The following PLCB1 variants were observed in gnomAD, a reference collection of about 807,000 sequenced individuals.
The protein encoded by PLCB1 is phospholipase C beta 1.
A neutral mutation model predicts 161.8 loss-of-function variants in PLCB1; 46 were observed. The observed-to-expected ratio is 0.28, with a 90% CI of 0.22 to 0.36. PLCB1 has a LOEUF of 0.36. Ranked by LOEUF, PLCB1 falls within the 10% of genes least tolerant of loss-of-function variation. PLCB1 has a pLI of 1.00. For synonymous variants in PLCB1, 517 were observed against 503.7 expected (o/e 1.03, Z -0.35); for missense variants, 1,016 against 1,472.5 (o/e 0.69, Z 5.07).
chr20:8,393,622 T>G (rs13037141), intron 3 of PLCB1, among the ~76,000 whole-genome samples: 23,420 of 152,156 alleles, frequency 0.15, 2,271 homozygotes, highest in Non-Finnish European at 0.21. Context: ...ACCACTGCAC[T>G]CCGGCCTGGG....
chr20:8,216,550 T>C (rs992574539), intron 2 of PLCB1, among the ~76,000 whole-genome samples: 11 of 152,058 alleles, frequency 7.2e-5, no homozygotes, highest in African/African-American at 2.7e-4. Context: ...AATACGATTC[T>C]AAGTAAAGAT....
chr20:8,299,364 A>AT (rs1983788142), intron 2 of PLCB1, among the ~76,000 whole-genome samples: 12 of 151,942 alleles, frequency 7.9e-5, no homozygotes. Context: ...CATTTTTGTC[A>AT]TTTTGCCTTG....
At chr20:8,684,724 G>C (rs776707552) in intron 9 of PLCB1, among the ~76,000 whole-genome samples, 14 of 152,062 alleles carry the variant, frequency 9.2e-5, no homozygotes, top group Middle Eastern at 3.2e-3. Context: ...ATTTGGTGGG[G>C]CTCATGTAAC....
At chr20:8,798,866 T>C (rs1381227775) in intron 31 of PLCB1, among the ~76,000 whole-genome samples, 3 of 148,758 alleles carry the variant, frequency 2.0e-5, no homozygotes, top group African/African-American at 7.5e-5. Flanking sequence ...AGCATCACAC[T>C]GTTAAGTAAA....
At chr20:8,851,139 A>G (rs748701217) in intron 31 of PLCB1, among the ~76,000 whole-genome samples, 5 of 152,202 alleles carry the variant, frequency 3.3e-5, no homozygotes, top group Admixed American at 6.5e-5. Flanking sequence ...CCATGTTCCA[A>G]TGGACTTGGC....
chr20:8,421,820 A>G (rs977791855), intron 3 of PLCB1, among the ~76,000 whole-genome samples: 1 of 152,182 alleles, frequency 6.6e-6, no homozygotes, highest in African/African-American at 2.4e-5. Flanking sequence ...GTCCAGTCTT[A>G]TATCTATCAA....
At position 8,882,398 on chromosome 20, in the gene PLCB1, T is replaced by A. The variant is rs1419480130; in HGVS notation, c.*549T>A. The A allele has an allele frequency of 6.3e-6, 1 of 159,504 alleles. No homozygotes were observed. The highest frequency in any genetic ancestry group is 1.4e-5 in the Non-Finnish European group (1 of 71,776). The allele number at this position is 159,504 out of a possible 1,614,324, so 9.9% of individuals were successfully genotyped here. ...TTGCAGTTTGCTAATTTATTTATCA[T>A]AGAGTCATCAATGTATTTGTTGCTG... On this transcript the variant is annotated 3_prime_UTR_variant, in exon 32 of 32. Coordinates refer to ENST00000338037, the MANE Select transcript of PLCB1 (RefSeq NM_015192.4).
chr20:8,289,935 G>T (rs1260014100), intron 2 of PLCB1, among the ~76,000 whole-genome samples: 1 of 152,162 alleles, frequency 6.6e-6, no homozygotes, highest in Non-Finnish European at 1.5e-5. Flanking sequence ...ATTTCTCAAA[G>T]ATCATTTGAT....
At chr20:8,833,933 C>T (rs1215724991) in intron 31 of PLCB1, among the ~76,000 whole-genome samples, 1 of 151,828 alleles carries the variant, frequency 6.6e-6, no homozygotes, top group African/African-American at 2.4e-5. Context: ...TTATGCAGAC[C>T]TTTACAACCA....
At chr20:8,653,209 C>T (rs1292027029) in intron 7 of PLCB1, 1 of 151,978 alleles carries the variant, frequency 6.6e-6, no homozygotes, top group Non-Finnish European at 1.5e-5. Context: ...GGTGGGCACA[C>T]ATGTAATACA....
chr20:8,589,579 G>T (rs2123103582), intron 3 of PLCB1, among the ~76,000 whole-genome samples: 1 of 151,722 alleles, frequency 6.6e-6, no homozygotes, highest in South Asian at 2.1e-4. Flanking sequence ...TGGTGGAAGG[G>T]GTGAAGGCTC....
At chr20:8,490,502 C>T (rs1315855071) in intron 3 of PLCB1, among the ~76,000 whole-genome samples, 2 of 152,208 alleles carry the variant, frequency 1.3e-5, no homozygotes, top group Non-Finnish European at 2.9e-5. Flanking sequence ...TGGATGGACA[C>T]AGGCTTTCTA....
Position 8,258,979 on chromosome 20 carries a change from T to C in PLCB1, c.177+108608T>C, listed in dbSNP as rs62195865. On this transcript the variant is annotated intron_variant, in intron 2 of 31. Transcript: ENST00000338037. ...GTCATTAACCCCTTTCTCCGGTCTCTGGCAACCACAGATTTGTTTCCTTTC... is the reference window on the plus strand; with the variant it reads ...GTCATTAACCCCTTTCTCCGGTCTCCGGCAACCACAGATTTGTTTCCTTTC... 9.3e-3 allele frequency among the ~76,000 whole-genome samples: 1,423 copies of C among 152,316 alleles called. 10 individuals are homozygous for C. The highest frequency in any genetic ancestry group is 0.016 in the Non-Finnish European group (1,117 of 68,026).
Position 8,497,055 on chromosome 20 carries a change from C to T in PLCB1, c.246+125605C>T, listed in dbSNP as rs113476982. Among the ~76,000 whole-genome samples, 896 of 152,110 alleles carry T rather than the reference C, an allele frequency of 5.9e-3. 14 individuals carry two copies. Among genetic ancestry groups the T allele is most frequent in the African/African-American group, 0.02 (826 of 41,504 alleles). On this transcript the variant is annotated intron_variant, in intron 3 of 31. Transcript: ENST00000338037. The stretch of plus-strand genomic sequence containing the variant: ...TTGACATAAAATTTTAAGACTGTTA[C>T]GATTAGAGTGAATGTCAGTGATATA...
At chr20:8,332,898 A>G (rs6077349) in intron 2 of PLCB1, among the ~76,000 whole-genome samples, 51,943 of 152,120 alleles carry the variant, frequency 0.34, 9,488 homozygotes, top group South Asian at 0.49. Flanking sequence ...TTAGGATCTT[A>G]TTTGACTAAA....
intron 31 of PLCB1, among the ~76,000 whole-genome samples, chr20:8,875,522 TATA>T (rs1428388141): frequency 1.4e-5 from 2 of 147,734 alleles, no homozygotes; most frequent in African/African-American, 4.9e-5. Context: ...TATATATAAA[TATA>T]ATATATTAAT....
chr20:8,431,027 T>A (rs986448234), intron 3 of PLCB1, among the ~76,000 whole-genome samples: 1 of 152,040 alleles, frequency 6.6e-6, no homozygotes, highest in Non-Finnish European at 1.5e-5. Context: ...GTTTGACGTA[T>A]TAAAGAGGTT....
chr20:8,452,720 A>C (rs1981126028), intron 3 of PLCB1, among the ~76,000 whole-genome samples: 1 of 152,234 alleles, frequency 6.6e-6, no homozygotes. Flanking sequence ...AAAAAGCCAA[A>C]GAGAAGAAAT....
chr20:8,290,831 G>A (rs1275853280), intron 2 of PLCB1, among the ~76,000 whole-genome samples: 2 of 152,000 alleles, frequency 1.3e-5, no homozygotes, highest in African/African-American at 4.8e-5. Flanking sequence ...TTTAACTAAG[G>A]CAGTTGTCCA....
Sources: gnomAD v4.1 joint callset for allele counts (sites outside exome capture counted in the v4.1 genomes callset) on GRCh38, gnomAD v4.1.1 for gene constraint, MANE v1.5 for transcripts, NCBI Gene and HGNC (gene_info 2026-07-23, HGNC 2026-07-21) for gene names.